The following ACYP2 variants were observed in gnomAD, a reference collection of about 807,000 sequenced individuals.
ACYP2 encodes the protein acylphosphatase-2.
In ACYP2, 12 loss-of-function variants were observed where a neutral mutation model predicts 11.2. The ratio of observed to expected loss-of-function variants is 1.08; its 90% CI spans 0.69 to 1.74. ACYP2 has a LOEUF of 1.74. Ranked by LOEUF, ACYP2 falls within the 40% of genes most tolerant of loss-of-function variation. ACYP2 has a pLI of 0.00. For synonymous variants in ACYP2, 43 were observed against 32.2 expected (o/e 1.33, Z -1.13); for missense variants, 134 against 101.9 (o/e 1.31, Z -1.35).
intron 6 of ACYP2, among the ~76,000 whole-genome samples, chr2:54,300,372 A>C (rs541790601): frequency 1.4e-4 from 22 of 152,356 alleles, no homozygotes; most frequent in Non-Finnish European, 1.2e-4. Context: ...GATGGCCCTT[A>C]GCCATCAGCC....
intron 4 of ACYP2, among the ~76,000 whole-genome samples, chr2:54,111,583 A>G (rs1679464685): frequency 6.6e-6 from 1 of 152,248 alleles, no homozygotes; most frequent in Non-Finnish European, 1.5e-5. Flanking sequence ...TTGTAATAAG[A>G]TTAAAGCCTC....
intron 6 of ACYP2, among the ~76,000 whole-genome samples, chr2:54,230,650 G>A (rs1411876000): frequency 6.6e-6 from 1 of 150,508 alleles, no homozygotes; most frequent in African/African-American, 2.4e-5. Context: ...ACAGGCATGA[G>A]CCACTGTGCC....
At chr2:53,973,082 G>A (rs1018131209) in intron 1 of ACYP2, among the ~76,000 whole-genome samples, 2 of 149,166 alleles carry the variant, frequency 1.3e-5, no homozygotes, top group East Asian at 3.9e-4. Context: ...AGAGAGAGGA[G>A]GAGTTCTAGG....
chr2:54,285,058 T>C (rs1689018792), intron 6 of ACYP2, among the ~76,000 whole-genome samples: 1 of 152,186 alleles, frequency 6.6e-6, no homozygotes, highest in Non-Finnish European at 1.5e-5. Flanking sequence ...AGATTCAGCG[T>C]CTGGTGACAG....
chr2:54,185,278 A>T (rs1558596234), intron 6 of ACYP2, among the ~76,000 whole-genome samples: 1 of 152,166 alleles, frequency 6.6e-6, no homozygotes. Flanking sequence ...CTTCTGCCAG[A>T]TGTGAATGAG....
chr2:53,972,392 G>A (rs1316423624), intron 1 of ACYP2, among the ~76,000 whole-genome samples: 1 of 151,336 alleles, frequency 6.6e-6, no homozygotes, highest in African/African-American at 2.4e-5. Context: ...GGATCACGGG[G>A]TCAGGAGATG....
chr2:53,984,351 GT>G (rs1316784775), intron 2 of ACYP2, among the ~76,000 whole-genome samples: 23 of 151,966 alleles, frequency 1.5e-4, no homozygotes, highest in African/African-American at 5.3e-4. Context: ...GCCGAGGCAG[GT>G]GCATCACCTG....
intron 4 of ACYP2, among the ~76,000 whole-genome samples, chr2:54,083,450 C>T (rs1677774949): frequency 6.6e-6 from 1 of 152,098 alleles, no homozygotes; most frequent in Non-Finnish European, 1.5e-5. Flanking sequence ...CCACAGCTGA[C>T]CCAAAATGTT....
intron 6 of ACYP2, among the ~76,000 whole-genome samples, chr2:54,172,610 A>G (rs1023546364): frequency 3.3e-5 from 5 of 152,024 alleles, no homozygotes; most frequent in African/African-American, 1.2e-4. Flanking sequence ...TCTTTTATTT[A>G]TTTATTATTA....
intron 6 of ACYP2, chr2:54,255,672 G>A: frequency 1.2e-6 from 2 of 1,613,706 alleles, no homozygotes; most frequent in Non-Finnish European, 1.7e-6. Context: ...CATCCACTGG[G>A]GCTGAGAACA....
intron 2 of ACYP2, among the ~76,000 whole-genome samples, chr2:54,031,059 A>G (rs2104554184): frequency 6.6e-6 from 1 of 152,334 alleles, no homozygotes; most frequent in Non-Finnish European, 1.5e-5. Flanking sequence ...GTGCTATAAC[A>G]GAGGAAGTTC....
intron 2 of ACYP2, among the ~76,000 whole-genome samples, chr2:54,009,799 T>A: frequency 6.6e-6 from 1 of 152,204 alleles, no homozygotes; most frequent in East Asian, 1.9e-4. Flanking sequence ...TGATACTAAC[T>A]GGCTAACACT....
chr2:54,200,333 AGGC>A (rs1398026473), intron 6 of ACYP2, among the ~76,000 whole-genome samples: 1 of 152,170 alleles, frequency 6.6e-6, no homozygotes, highest in Admixed American at 6.5e-5. Context: ...ATCATATACA[AGGC>A]TACTGTGAAG....
chr2:54,186,086 T>C (rs571023971), intron 6 of ACYP2, among the ~76,000 whole-genome samples: 2 of 152,264 alleles, frequency 1.3e-5, no homozygotes, highest in East Asian at 1.9e-4. Context: ...TTAATATCCC[T>C]AGTAGTTAAC....
intron 6 of ACYP2, among the ~76,000 whole-genome samples, chr2:54,148,370 G>C (rs1324467672): frequency 6.6e-6 from 1 of 152,168 alleles, no homozygotes; most frequent in Non-Finnish European, 1.5e-5. Context: ...GGGGCTTCAG[G>C]TGAAAGAAGA....
At chr2:54,118,136 A>G (rs1328737451) in intron 4 of ACYP2, among the ~76,000 whole-genome samples, 1 of 152,234 alleles carries the variant, frequency 6.6e-6, no homozygotes, top group African/African-American at 2.4e-5. Context: ...TTAGGAAGGA[A>G]TATATGTGGA....
intron 2 of ACYP2, among the ~76,000 whole-genome samples, chr2:53,988,600 G>C (rs535736041): frequency 1.3e-5 from 2 of 152,026 alleles, no homozygotes; most frequent in East Asian, 3.9e-4. Flanking sequence ...ATATATGTGT[G>C]TATTTTGTAG....
chr2:54,122,503 TG>T (rs1680218836), intron 4 of ACYP2, among the ~76,000 whole-genome samples: 1 of 152,052 alleles, frequency 6.6e-6, no homozygotes, highest in Non-Finnish European at 1.5e-5. Context: ...CTTCAGCAAG[TG>T]AGGTGGAAAA....
At chr2:54,132,123 C>T (rs1462586013) in intron 4 of ACYP2, among the ~76,000 whole-genome samples, 1 of 152,144 alleles carries the variant, frequency 6.6e-6, no homozygotes, top group Non-Finnish European at 1.5e-5. Context: ...AGTCTACTTA[C>T]TTGGTCAGTG....
Sources: gnomAD v4.1 joint callset for allele counts (sites outside exome capture counted in the v4.1 genomes callset) on GRCh38, gnomAD v4.1.1 for gene constraint, MANE v1.5 for transcripts, NCBI Gene and HGNC (gene_info 2026-07-23, HGNC 2026-07-21) for gene names.